TMEM236: variants seen among roughly 807,000 people sequenced by gnomAD.
TMEM236 encodes family with sequence similarity 23, member A.
In TMEM236, 11 loss-of-function variants were observed where a neutral mutation model predicts 14.7. The observed-to-expected ratio is 0.75, with a 90% confidence interval of 0.47 to 1.24. The LOEUF is 1.24. TMEM236 is among the 50% of genes most tolerant of loss of function. The probability of loss-of-function intolerance (pLI) is 0.00; values close to 1 mark genes in which losing one functional copy is unlikely to be tolerated. For missense variants in TMEM236, 464 were observed against 427.3 expected, an observed-to-expected ratio of 1.09 and a Z score of -0.76; for synonymous variants, 182 against 168.6, an observed-to-expected ratio of 1.08 and a Z score of -0.62.
chr10:17,753,078 T>G (rs1012060420), intron 1 of TMEM236, among the ~76,000 whole-genome samples: 21 of 151,940 alleles, frequency 1.4e-4, no homozygotes, highest in South Asian at 4.2e-4. Flanking sequence ...GTACTTTTAG[T>G]AGAGACGGGG....
intron 3 of TMEM236, among the ~76,000 whole-genome samples, chr10:17,785,342 G>A (rs1004693550): frequency 1.8e-4 from 28 of 152,044 alleles, no homozygotes; most frequent in Middle Eastern, 3.2e-3. Context: ...TTAAAGCTCC[G>A]CCATAGATTA....
chr10:17,789,502 T>A (rs1316269401), intron 3 of TMEM236, among the ~76,000 whole-genome samples: 1 of 152,240 alleles, frequency 6.6e-6, no homozygotes, highest in Non-Finnish European at 1.5e-5. Context: ...GACGAATTCC[T>A]TCACTGTGAG....
intron 1 of TMEM236, among the ~76,000 whole-genome samples, chr10:17,768,993 C>G (rs1837523909): frequency 6.6e-6 from 1 of 152,246 alleles, no homozygotes; most frequent in African/African-American, 2.4e-5. Flanking sequence ...TGTTGTGTGA[C>G]TGTTGCCACC....
rs900656219 is a variant in TMEM236, at chr10:17,800,669, G to A, written c.*4165G>A. The A allele has an allele frequency of 1.1e-4, 16 of 152,072 alleles. No homozygotes were observed. Among genetic ancestry groups the A allele is most frequent in the Non-Finnish European group, 2.9e-5 (2 of 68,020 alleles). 9.4% of individuals were successfully genotyped at this position (152,072 alleles called of 1,614,324 possible). A position where few individuals can be genotyped will look rare whatever the true frequency, so the allele number is the denominator to read the frequency against. ...CTTGTGCTGTGTACCTTGGAGCAGG[G>A]CCTTACATAGTGAATATATCAATAG... On this transcript the variant is annotated 3_prime_UTR_variant, in exon 4 of 4. Transcript: ENST00000377495.
intron 1 of TMEM236, among the ~76,000 whole-genome samples, chr10:17,760,027 G>A (rs1474056123): frequency 6.8e-6 from 1 of 147,608 alleles, no homozygotes; most frequent in Non-Finnish European, 1.5e-5. Context: ...CCCCGAGGGA[G>A]CCTTGAGCAC....
At position 17,799,905 on chromosome 10, in the gene TMEM236, A is replaced by T. The variant is rs1838069596; in HGVS notation, c.*3401A>T. The stretch of plus-strand genomic sequence containing the variant: ...TGTGTAGGAGGAAAATTGAGTAGCT[A>T]ATTTAATTTCATTTAATATTTTACT... On this transcript the variant is annotated 3_prime_UTR_variant, in exon 4 of 4. Transcript: ENST00000377495. 1 of 152,620 alleles carries T rather than the reference A, an allele frequency of 6.6e-6. No individual in the cohort carries two copies. Among genetic ancestry groups the T allele is most frequent in the Admixed American group, 6.6e-5 (1 of 15,266 alleles). 9.5% of individuals were successfully genotyped at this position (152,620 alleles called of 1,614,324 possible). A position where few individuals can be genotyped will look rare whatever the true frequency, so the allele number is the denominator to read the frequency against.
intron 1 of TMEM236, among the ~76,000 whole-genome samples, chr10:17,764,837 C>CTTTTTT (rs1238545582): frequency 2.4e-5 from 3 of 127,386 alleles, no homozygotes; most frequent in Non-Finnish European, 3.3e-5. Flanking sequence ...CAGATTTTCC[C>CTTTTTT]TTTTTTTTTT....
chr10:17,782,239 C>T (rs1554835477), intron 3 of TMEM236, among the ~76,000 whole-genome samples: 1 of 152,036 alleles, frequency 6.6e-6, no homozygotes, highest in Non-Finnish European at 1.5e-5. Context: ...TCCAATGTTG[C>T]ATTTTTCCAA....
chr10:17,787,120 C>G (rs906089328), intron 3 of TMEM236, among the ~76,000 whole-genome samples: 1 of 152,158 alleles, frequency 6.6e-6, no homozygotes, highest in East Asian at 1.9e-4. Flanking sequence ...CTAATACATG[C>G]CCTTTCTTCC....
chr10:17,793,274 C>T (rs1249738859), intron 3 of TMEM236, among the ~76,000 whole-genome samples: 1 of 152,138 alleles, frequency 6.6e-6, no homozygotes, highest in Non-Finnish European at 1.5e-5. Flanking sequence ...TAATGTGTCA[C>T]TTTTGGGGTT....
intron 1 of TMEM236, among the ~76,000 whole-genome samples, chr10:17,752,874 G>A (rs959001474): frequency 2.2e-4 from 33 of 152,238 alleles, no homozygotes; most frequent in African/African-American, 7.7e-4. Flanking sequence ...GCCTGTAGAA[G>A]AATTCTTTAG....
chr10:17,783,025 A>G (rs1232215194), intron 3 of TMEM236, among the ~76,000 whole-genome samples: 1 of 152,024 alleles, frequency 6.6e-6, no homozygotes, highest in African/African-American at 2.4e-5. Context: ...TGTGTAGTGC[A>G]GGTGGGCTGT....
intron 3 of TMEM236, among the ~76,000 whole-genome samples, chr10:17,789,794 G>A (rs1205700301): frequency 2.0e-5 from 3 of 152,074 alleles, no homozygotes; most frequent in African/African-American, 7.2e-5. Context: ...AGGCCTAGGA[G>A]GAGGATCCCG....
intron 1 of TMEM236, among the ~76,000 whole-genome samples, chr10:17,758,925 A>G (rs916025216): frequency 0.011 from 1,639 of 152,240 alleles, 32 homozygotes; most frequent in African/African-American, 0.036. Flanking sequence ...TATGGTTTTC[A>G]TTTCATGTTC....
intron 3 of TMEM236, among the ~76,000 whole-genome samples, chr10:17,792,232 C>T (rs782472846): frequency 0.21 from 32,565 of 152,084 alleles, 3,595 homozygotes; most frequent in Non-Finnish European, 0.23. Context: ...GGATTACACA[C>T]GTGCACCAAT....
intron 3 of TMEM236, among the ~76,000 whole-genome samples, chr10:17,795,382 T>C (rs1269375601): frequency 6.6e-6 from 1 of 152,240 alleles, no homozygotes; most frequent in Non-Finnish European, 1.5e-5. Context: ...GTTTCCATAG[T>C]TGTAAAATGG....
At chr10:17,758,647 G>A (rs1397042877) in intron 1 of TMEM236, among the ~76,000 whole-genome samples, 1 of 152,162 alleles carries the variant, frequency 6.6e-6, no homozygotes, top group Non-Finnish European at 1.5e-5. Flanking sequence ...TAAGTGTTAT[G>A]ACCTCAAACT....
At position 17,771,492 on chromosome 10, in the gene TMEM236, C is replaced by G. The variant is rs1445196641; in HGVS notation, c.330+111C>G. 5 of 1,013,864 alleles carry G rather than the reference C, an allele frequency of 4.9e-6. No homozygotes were observed. In the African/African-American group the frequency reaches 7.9e-5, roughly 16 times the overall value. The allele number at this position is 1,013,864 out of a possible 1,614,324, so 62.8% of individuals were successfully genotyped here. A position where few individuals can be genotyped will look rare whatever the true frequency, so the allele number is the denominator to read the frequency against. On this transcript the variant is annotated intron_variant, in intron 2 of 3. Coordinates refer to ENST00000377495, the MANE Select transcript of TMEM236 (RefSeq NM_001098844.3). ...ACAAATTTCTTGACATCTATGTAAT[C>G]CAATCTTCTTCCAGGTTGCAATATA... is the stretch of plus-strand genomic sequence containing the variant.
At chr10:17,760,126 A>G (rs1837338755) in intron 1 of TMEM236, among the ~76,000 whole-genome samples, 1 of 152,088 alleles carries the variant, frequency 6.6e-6, no homozygotes. Flanking sequence ...ACCTGAAGGA[A>G]ATGGAACTCA....
Sources: gnomAD v4.1 joint callset for allele counts (sites outside exome capture counted in the v4.1 genomes callset) on GRCh38, gnomAD v4.1.1 for gene constraint, MANE v1.5 for transcripts, NCBI Gene and HGNC (gene_info 2026-07-23, HGNC 2026-07-21) for gene names.